The following ZFPM2 variants were observed in gnomAD, a reference collection of about 807,000 sequenced individuals.
ZFPM2 encodes the protein zinc finger protein, FOG family member 2.
In ZFPM2, 20 loss-of-function variants were observed where a neutral mutation model predicts 98.6. The ratio of observed to expected loss-of-function variants is 0.20; its 90% CI spans 0.14 to 0.29. ZFPM2 has a LOEUF of 0.29. ZFPM2 is among the 10% of genes least tolerant of loss of function. ZFPM2 has a pLI of 1.00. For synonymous variants in ZFPM2, 518 were observed against 502.7 expected (o/e 1.03, Z -0.41); for missense variants, 1,310 against 1,388.6 (o/e 0.94, Z 0.90).
At chr8:105,336,951 A>T (rs1343760882) in intron 1 of ZFPM2, among the ~76,000 whole-genome samples, 1 of 151,794 alleles carries the variant, frequency 6.6e-6, no homozygotes, top group African/African-American at 2.4e-5. Flanking sequence ...TTTGTTGTTT[A>T]GTTGTTGTAT....
rs549689662 is a variant in ZFPM2 at position 105,569,113 on chromosome 8, C to G, written c.420+7632C>G. Reference sequence around the variant, plus strand: ...TAGATAACCACTCTTGGAGTATTTCCCTGGTGCTCTAGGTTTACTAGGATA... The same window carrying G: ...TAGATAACCACTCTTGGAGTATTTCGCTGGTGCTCTAGGTTTACTAGGATA... On this transcript the variant is annotated intron_variant, in intron 4 of 7. Transcript: ENST00000407775. 2.0e-5 allele frequency among the ~76,000 whole-genome samples: 3 copies of G among 152,158 alleles called. No homozygotes were observed. In the East Asian group the frequency reaches 5.8e-4, roughly 29 times the overall value.
chr8:105,561,682 C>CA (rs778548390), intron 4 of ZFPM2, among the ~76,000 whole-genome samples: 1 of 152,112 alleles, frequency 6.6e-6, no homozygotes, highest in Non-Finnish European at 1.5e-5. Context: ...TAGACAGAAA[C>CA]AGGTTACTCA....
intron 3 of ZFPM2, among the ~76,000 whole-genome samples, chr8:105,488,750 C>T (rs778330436): frequency 1.7e-4 from 26 of 152,026 alleles, no homozygotes; most frequent in East Asian, 7.8e-4. Flanking sequence ...GGTGACAGAG[C>T]GAGACTCCAT....
chr8:105,692,451 G>A (rs756534142), intron 5 of ZFPM2, among the ~76,000 whole-genome samples: 7 of 152,206 alleles, frequency 4.6e-5, no homozygotes, highest in African/African-American at 7.2e-5. Context: ...CACTGGCATG[G>A]AAGATTCAGT....
At chr8:105,618,784 T>C (rs1000265233) in intron 4 of ZFPM2, among the ~76,000 whole-genome samples, 1 of 152,068 alleles carries the variant, frequency 6.6e-6, no homozygotes, top group African/African-American at 2.4e-5. Context: ...GTAGTGATGG[T>C]GATGCAGTAT....
intron 1 of ZFPM2, among the ~76,000 whole-genome samples, chr8:105,330,581 CATAT>C (rs55876331): frequency 0.037 from 3,195 of 86,366 alleles, 154 homozygotes; most frequent in Non-Finnish European, 0.05. Context: ...TATATATATA[CATAT>C]ATATATATAC....
chr8:105,347,322 A>AT (rs747784872), intron 1 of ZFPM2, among the ~76,000 whole-genome samples: 3 of 152,114 alleles, frequency 2.0e-5, no homozygotes, highest in East Asian at 3.9e-4. Context: ...TAAAAACCTT[A>AT]TTTTTTTCAT....
At chr8:105,428,949 C>T (rs1348668664) in intron 2 of ZFPM2, among the ~76,000 whole-genome samples, 1 of 152,164 alleles carries the variant, frequency 6.6e-6, no homozygotes, top group African/African-American at 2.4e-5. Context: ...TGAAACCTGA[C>T]AGTGGCTGTA....
chr8:105,523,656 T>C (rs1814109988), intron 3 of ZFPM2, among the ~76,000 whole-genome samples: 1 of 152,218 alleles, frequency 6.6e-6, no homozygotes, highest in Admixed American at 6.5e-5. Flanking sequence ...CCTACCTCCG[T>C]GCCAGTGGTG....
At chr8:105,617,935 C>G (rs1475892813) in intron 4 of ZFPM2, among the ~76,000 whole-genome samples, 1 of 152,102 alleles carries the variant, frequency 6.6e-6, no homozygotes, top group East Asian at 1.9e-4. Context: ...AGACTATGTT[C>G]GGTCTTTTCC....
At chr8:105,708,601 T>A (rs575704580) in intron 5 of ZFPM2, among the ~76,000 whole-genome samples, 1 of 152,090 alleles carries the variant, frequency 6.6e-6, no homozygotes, top group South Asian at 2.1e-4. Context: ...ACCTAATTTA[T>A]TTTATTTTAT....
chr8:105,578,047 T>A (rs888761201), intron 4 of ZFPM2, among the ~76,000 whole-genome samples: 1 of 152,148 alleles, frequency 6.6e-6, no homozygotes, highest in Non-Finnish European at 1.5e-5. Flanking sequence ...TTGGTAATAA[T>A]GTTATCATTA....
intron 4 of ZFPM2, among the ~76,000 whole-genome samples, chr8:105,565,268 AAATTAGTTTG>A: frequency 6.6e-6 from 1 of 152,296 alleles, no homozygotes; most frequent in Non-Finnish European, 1.5e-5. Flanking sequence ...AACACCAAAC[AAATTAGTTTG>A]ACAAAAAGTT....
chr8:105,642,424 A>C (rs1049552967), intron 5 of ZFPM2, among the ~76,000 whole-genome samples: 12 of 152,154 alleles, frequency 7.9e-5, no homozygotes, highest in Admixed American at 4.6e-4. Flanking sequence ...ATATAATTTA[A>C]GATAAATATT....
At chr8:105,648,149 T>C (rs931232079) in intron 5 of ZFPM2, among the ~76,000 whole-genome samples, 15 of 152,240 alleles carry the variant, frequency 9.9e-5, no homozygotes, top group Admixed American at 6.5e-5. Flanking sequence ...CCTTTTTTCC[T>C]GTGTCTGTTG....
At chr8:105,444,184 T>C in intron 2 of ZFPM2, 96 bp from the exon 3 acceptor site, 2 of 907,002 alleles carry the variant, frequency 2.2e-6, no homozygotes, top group Non-Finnish European at 1.8e-6. Flanking sequence ...AAACCTGTAA[T>C]TAGATATATG....
At chr8:105,756,045 C>A (rs548160566) in intron 5 of ZFPM2, among the ~76,000 whole-genome samples, 42 of 152,132 alleles carry the variant, frequency 2.8e-4, no homozygotes, top group Non-Finnish European at 2.6e-4. Flanking sequence ...TAACTGCATA[C>A]CTTAATCCTA....
intron 3 of ZFPM2, among the ~76,000 whole-genome samples, chr8:105,560,169 CAAAAAAA>C (rs34623592): frequency 1.5e-5 from 1 of 67,606 alleles, no homozygotes; most frequent in Non-Finnish European, 2.9e-5. Context: ...AACTCTGTCT[CAAAAAAA>C]AAAAAAAAAA....
At chr8:105,589,627 C>T (rs1044899457) in intron 4 of ZFPM2, among the ~76,000 whole-genome samples, 4 of 152,032 alleles carry the variant, frequency 2.6e-5, no homozygotes, top group Non-Finnish European at 5.9e-5. Flanking sequence ...TTGAGGTTTC[C>T]CCCACAAAAC....
Sources: allele counts gnomAD v4.1 joint callset (sites outside exome capture counted in the v4.1 genomes callset), GRCh38; gene constraint gnomAD v4.1.1; transcripts MANE v1.5; gene names NCBI Gene and HGNC (gene_info 2026-07-23, HGNC 2026-07-21).